KTN1: variants seen among roughly 807,000 people sequenced by gnomAD.
KTN1 encodes kinectin 1.
In KTN1, 130 loss-of-function variants were observed where a neutral mutation model predicts 222.5. The ratio of observed to expected loss-of-function variants is 0.58; its 90% CI spans 0.51 to 0.68. The LOEUF is 0.68. Ranked by LOEUF, KTN1 falls within the 30% of genes least tolerant of loss-of-function variation. The pLI is 0.00. For synonymous variants in KTN1, 512 were observed against 496.3 expected, an observed-to-expected ratio of 1.03 and a Z score of -0.42; for missense variants, 1,508 against 1,500.4, an observed-to-expected ratio of 1.01 and a Z score of -0.08.
At chr14:55,652,425 A>G (rs1331239100) in intron 25 of KTN1, among the ~76,000 whole-genome samples, 155 of 139,420 alleles carry the variant, frequency 1.1e-3, no homozygotes, top group Middle Eastern at 7.2e-3. Flanking sequence ...TTGAGATGGA[A>G]TCTCGCTCTG....
intron 43 of KTN1, 195 bp downstream of exon 43, chr14:55,679,880 G>A (rs1431599630): frequency 1.7e-6 from 1 of 582,780 alleles, no homozygotes; most frequent in Non-Finnish European, 2.9e-6. Flanking sequence ...TTGTAGCTTG[G>A]AGGGGTTATC....
chr14:55,636,597 C>A, intron 10 of KTN1, 61 bp downstream of exon 10: 1 of 1,228,672 alleles, frequency 8.1e-7, no homozygotes, highest in South Asian at 1.4e-5. Flanking sequence ...TTTCCTCTCT[C>A]TTCCATCTGT....
intron 1 of KTN1, among the ~76,000 whole-genome samples, chr14:55,580,977 C>T (rs1566634852): frequency 1.3e-5 from 2 of 152,228 alleles, no homozygotes; most frequent in Non-Finnish European, 2.9e-5. Flanking sequence ...CGGAAAGCAG[C>T]ATGAGGGGGG....
At chr14:55,684,077 C>G (rs369401914) in intron 43 of KTN1, 22 bp from the exon 44 acceptor site, 3 of 1,592,078 alleles carry the variant, frequency 1.9e-6, no homozygotes, top group Non-Finnish European at 8.6e-7. Context: ...AAGTGAAATT[C>G]ATTCTTTCTG....
chr14:55,617,662 TAAAAC>T (rs1006979530), intron 3 of KTN1, among the ~76,000 whole-genome samples: 6 of 152,178 alleles, frequency 3.9e-5, no homozygotes, highest in Non-Finnish European at 7.4e-5. Flanking sequence ...ATTCTTATAT[TAAAAC>T]AAAAATTAAA....
rs2037652208 is a variant in KTN1 at position 55,612,005 on chromosome 14, T to C, written c.-30-14T>C. 2.6e-6 allele frequency: 3 copies of C among 1,132,470 alleles called. No homozygotes were observed. Among genetic ancestry groups the C allele is most frequent in the Non-Finnish European group, 3.5e-6 (3 of 847,956 alleles). 70.2% of individuals were successfully genotyped at this position (1,132,470 alleles called of 1,614,324 possible). ...TCTTTTTTTTTTTTTGTCCCCACCT[T>C]CTTCCCTATTTAGGTTTTATAGGAT... is the stretch of plus-strand genomic sequence containing the variant. On this transcript the variant is annotated splice_polypyrimidine_tract_variant and intron_variant, in intron 1 of 43. Coordinates refer to ENST00000395314, the MANE Select transcript of KTN1 (RefSeq NM_001079521.2).
intron 18 of KTN1, among the ~76,000 whole-genome samples, chr14:55,642,506 C>G (rs573118894): frequency 6.6e-6 from 1 of 152,170 alleles, no homozygotes; most frequent in Non-Finnish European, 1.5e-5. Flanking sequence ...CTTACAATTA[C>G]AATTTATTAA....
At chr14:55,663,443 C>T (rs140693386) in intron 32 of KTN1, 97 of 166,094 alleles carry the variant, frequency 5.8e-4, no homozygotes, top group African/African-American at 2.2e-3. Flanking sequence ...CCAAGAAAGA[C>T]ATAGGACACA....
intron 1 of KTN1, among the ~76,000 whole-genome samples, chr14:55,587,274 T>C (rs2033210120): frequency 6.6e-6 from 1 of 152,112 alleles, no homozygotes; most frequent in Non-Finnish European, 1.5e-5. Flanking sequence ...CCATATAAAG[T>C]GAAACTCTAA....
At chr14:55,659,849 T>A in intron 31 of KTN1, 146 bp downstream of exon 31, 1 of 539,928 alleles carries the variant, frequency 1.9e-6, no homozygotes, top group Non-Finnish European at 3.3e-6. Context: ...AGTTTAGAGT[T>A]GAGTAGTACC....
At chr14:55,581,893 C>CT (rs199963122) in intron 1 of KTN1, among the ~76,000 whole-genome samples, 168 of 143,984 alleles carry the variant, frequency 1.2e-3, no homozygotes, top group East Asian at 7.7e-3. Flanking sequence ...AAAAAAGGCT[C>CT]TTTTTTTTTT....
At chr14:55,629,054 C>G (rs760424939) in intron 6 of KTN1, among the ~76,000 whole-genome samples, 62 of 152,106 alleles carry the variant, frequency 4.1e-4, no homozygotes, top group Admixed American at 9.8e-4. Flanking sequence ...CTTTCATGTA[C>G]TTTGATAATT....
At chr14:55,655,187 C>T (rs190515791) in intron 28 of KTN1, among the ~76,000 whole-genome samples, 33 of 152,232 alleles carry the variant, frequency 2.2e-4, no homozygotes, top group African/African-American at 6.5e-4. Context: ...CTGTGTTGCC[C>T]AGGCTGGTCT....
At chr14:55,666,412 A>G (rs2044746165) in intron 33 of KTN1, among the ~76,000 whole-genome samples, 1 of 149,498 alleles carries the variant, frequency 6.7e-6, no homozygotes, top group African/African-American at 2.4e-5. Context: ...GTGCATTTTT[A>G]TAGGGGTCTT....
In KTN1 at chr14:55,637,154, A is replaced by T. The variant is rs10483646; in HGVS notation, c.1550-44A>T. ...ACACGAAAGATGAGTATGAGTAACT[A>T]GGCAAAGAAAGAGACCTCTGTAAAA... On this transcript the variant is annotated intron_variant, in intron 10 of 43. Transcript: ENST00000395314. 7.2e-4 allele frequency: 1,025 copies of T among 1,432,334 alleles called. 3 individuals carry two copies. Among genetic ancestry groups the T allele is most frequent in the Admixed American group, 2.5e-3 (129 of 50,822 alleles). 88.7% of individuals were successfully genotyped at this position (1,432,334 alleles called of 1,614,324 possible).
chr14:55,671,850 C>A lies in KTN1; in HGVS notation c.3504C>A (p.Val1168=). The A allele has an allele frequency of 6.2e-7, 1 of 1,600,996 alleles. No homozygotes were observed. The highest frequency in any genetic ancestry group is 1.1e-5 in the South Asian group (1 of 90,726). Residue 1168 remains valine (V), a synonymous_variant, in exon 37 of 44, where the codon GTC becomes GTA. Transcript: ENST00000395314. ...AAGAAAATAAATGGAAAGTTAAGGT[C>A]GATGAATCACACAAGACTATTAAAC... ...EQEENKWKVK[V]DESHKTIKQM...
intron 1 of KTN1, among the ~76,000 whole-genome samples, chr14:55,583,925 T>C (rs2032336875): frequency 6.6e-6 from 1 of 152,220 alleles, no homozygotes; most frequent in Admixed American, 6.5e-5. Flanking sequence ...CTGTGCTCTG[T>C]CTTATCTTGA....
chr14:55,589,657 T>C (rs2033725028), intron 1 of KTN1, among the ~76,000 whole-genome samples: 2 of 54,468 alleles, frequency 3.7e-5, no homozygotes, highest in Non-Finnish European at 8.7e-5. Context: ...ATCTGATTTC[T>C]TTTTTTTTTT....
chr14:55,616,392 G>C, intron 2 of KTN1, 125 bp from the exon 3 acceptor site: 1 of 755,726 alleles, frequency 1.3e-6, no homozygotes, highest in Non-Finnish European at 2.1e-6. Flanking sequence ...TTATTGGTGA[G>C]AGCGTTATAT....
Sources: gnomAD v4.1 joint callset for allele counts (sites outside exome capture counted in the v4.1 genomes callset) on GRCh38, gnomAD v4.1.1 for gene constraint, MANE v1.5 for transcripts, NCBI Gene and HGNC (gene_info 2026-07-23, HGNC 2026-07-21) for gene names.